Variants in ROBO1 observed in about 807,000 individuals in gnomAD.
The protein encoded by ROBO1 is roundabout guidance receptor 1.
A neutral mutation model predicts 195.9 loss-of-function variants in ROBO1; 149 were observed. That is an observed-to-expected ratio of 0.76 (90% CI 0.67 to 0.87). The LOEUF is 0.87. Among genes scored for constraint, ROBO1 ranks in the 40% least tolerant of loss-of-function variants. The pLI, the probability that ROBO1 is intolerant of heterozygous loss-of-function variation, is 0.00. For missense variants in ROBO1, 1,933 were observed against 2,068.3 expected (o/e 0.93, Z 1.27); for synonymous variants, 816 against 733.2 (o/e 1.11, Z -1.82).
chr3:79,729,139 T>G (rs1703044431), intron 1 of ROBO1, among the ~76,000 whole-genome samples: 1 of 152,208 alleles, frequency 6.6e-6, no homozygotes, highest in Non-Finnish European at 1.5e-5. Context: ...ATATTTGTAT[T>G]ATGTTCATTT....
intron 2 of ROBO1, among the ~76,000 whole-genome samples, chr3:79,395,340 A>AAAAAAAAAGAAAGAAAGAAAG (rs71631648): frequency 1.7e-5 from 2 of 119,060 alleles, no homozygotes; most frequent in African/African-American, 6.2e-5. Context: ...AAAAAAAAAA[A>AAAAAAAAAGAAAGAAAGAAAG]AAAGAAAGAA....
chr3:79,596,119 T>C (rs1211290541), intron 1 of ROBO1, among the ~76,000 whole-genome samples: 1 of 152,008 alleles, frequency 6.6e-6, no homozygotes, highest in Non-Finnish European at 1.5e-5. Flanking sequence ...CCAAAATCAA[T>C]CTCTATTTAA....
At chr3:79,032,756 G>C (rs1559608224) in intron 3 of ROBO1, among the ~76,000 whole-genome samples, 1 of 151,894 alleles carries the variant, frequency 6.6e-6, no homozygotes, top group Non-Finnish European at 1.5e-5. Flanking sequence ...AAAACTCAAG[G>C]GGTGCACATA....
intron 1 of ROBO1, among the ~76,000 whole-genome samples, chr3:79,677,961 G>GATA (rs2106949020): frequency 6.6e-6 from 1 of 152,174 alleles, no homozygotes; most frequent in Admixed American, 6.6e-5. Context: ...TGCTAAATTT[G>GATA]TGGTAATTTG....
rs190550952 is a variant in ROBO1 at position 79,066,058 on chromosome 3, A to G, written c.172+59398T>C. Among the ~76,000 whole-genome samples, 4 of 152,112 alleles carry G rather than the reference A, an allele frequency of 2.6e-5. No individual in the cohort carries two copies. In the East Asian group the frequency reaches 5.8e-4, roughly 22 times the overall value. On this transcript the variant is annotated intron_variant, in intron 3 of 30. Transcript: ENST00000464233. ...AGTAGAAAGTGAGCTTAATCAGTCC[A>G]TTGAATCCAGAATCAATTTACAGAA...
intron 1 of ROBO1, among the ~76,000 whole-genome samples, chr3:79,762,560 C>G (rs965666628): frequency 6.7e-6 from 1 of 149,402 alleles, no homozygotes; most frequent in Admixed American, 6.8e-5. Flanking sequence ...TTTCAAACAT[C>G]GCTAAAAAAA....
At chr3:78,906,292 T>C (rs983911086) in intron 4 of ROBO1, among the ~76,000 whole-genome samples, 5 of 152,140 alleles carry the variant, frequency 3.3e-5, no homozygotes, top group Non-Finnish European at 5.9e-5. Flanking sequence ...TAGGCTCAAG[T>C]AGTGCCTCAT....
Position 78,670,171 on chromosome 3 carries a change from A to C in ROBO1, c.1473T>G (p.Asp491Glu). The C allele has an allele frequency of 1.9e-6, 3 of 1,613,022 alleles. No homozygotes were observed. Among genetic ancestry groups the C allele is most frequent in the Non-Finnish European group, 2.5e-6 (3 of 1,179,534 alleles). Residue 491 changes from aspartate (D) to glutamate (E), a missense_variant, in exon 11 of 31, where the codon GAT becomes GAG. By Grantham distance (45) the Asp-to-Glu change is conservative. Coordinates refer to ENST00000464233, the MANE Select transcript of ROBO1 (RefSeq NM_002941.4). The part of the protein sequence containing the change: ...SPVPTILWRK[D>E]GVLVSTQDSR... The stretch of plus-strand genomic sequence containing the variant: ...AGTCTTGGGTTGAAACGAGGACTCC[A>C]TCCTTTCTCCACAGAATGGTGGGCA...
chr3:78,934,744 A>G (rs2039708835), intron 4 of ROBO1, among the ~76,000 whole-genome samples: 1 of 151,870 alleles, frequency 6.6e-6, no homozygotes, highest in South Asian at 2.1e-4. Flanking sequence ...CTGCTCTTTT[A>G]TATTGAACAA....
intron 2 of ROBO1, among the ~76,000 whole-genome samples, chr3:79,287,212 T>G (rs1371784338): frequency 6.6e-6 from 1 of 152,150 alleles, no homozygotes; most frequent in Non-Finnish European, 1.5e-5. Flanking sequence ...TTGGAAATAT[T>G]TTGGCTTCAT....
chr3:79,242,861 T>C (rs1576864611), intron 2 of ROBO1, among the ~76,000 whole-genome samples: 2 of 152,252 alleles, frequency 1.3e-5, no homozygotes, highest in East Asian at 3.9e-4. Context: ...CTTTAAGTTT[T>C]AGGGTACATG....
At chr3:79,428,393 T>C (rs34626195) in intron 2 of ROBO1, among the ~76,000 whole-genome samples, 61,461 of 151,956 alleles carry the variant, frequency 0.4, 12,683 homozygotes, top group Admixed American at 0.51. Context: ...AAAAATATGT[T>C]GAGTGCTTAG....
At chr3:78,962,112 G>A (rs1174644375) in intron 3 of ROBO1, among the ~76,000 whole-genome samples, 1 of 152,088 alleles carries the variant, frequency 6.6e-6, no homozygotes, top group Non-Finnish European at 1.5e-5. Flanking sequence ...GATCAAAGTT[G>A]ACAACAAATA....
chr3:78,780,549 C>T (rs2083646008), intron 4 of ROBO1, among the ~76,000 whole-genome samples: 1 of 152,024 alleles, frequency 6.6e-6, no homozygotes, highest in Non-Finnish European at 1.5e-5. Context: ...GTACGCCTTC[C>T]TCTACTGCCA....
At chr3:79,575,190 A>ATATAAATATATATAACATATC (rs1943421090) in intron 2 of ROBO1, among the ~76,000 whole-genome samples, 2 of 128,190 alleles carry the variant, frequency 1.6e-5, no homozygotes, top group Non-Finnish European at 3.2e-5. Context: ...TATAACATAT[A>ATATAAATATATATAACATATC]TATAAATATA....
At chr3:79,375,574 A>T (rs2036351844) in intron 2 of ROBO1, among the ~76,000 whole-genome samples, 1 of 152,174 alleles carries the variant, frequency 6.6e-6, no homozygotes, top group Non-Finnish European at 1.5e-5. Context: ...GATAAATTCG[A>T]TGCTTCTCAG....
At chr3:79,011,830 A>G (rs909285991) in intron 3 of ROBO1, among the ~76,000 whole-genome samples, 5 of 152,108 alleles carry the variant, frequency 3.3e-5, no homozygotes, top group African/African-American at 1.2e-4. Context: ...GAGATAACAT[A>G]TACCTGAAAT....
intron 2 of ROBO1, among the ~76,000 whole-genome samples, chr3:79,493,775 A>G (rs1225573762): frequency 5.3e-5 from 8 of 152,162 alleles, no homozygotes; most frequent in African/African-American, 1.9e-4. Context: ...ACAGGTATAC[A>G]ATGTGTAATA....
At chr3:79,298,336 AT>A (rs11438222) in intron 2 of ROBO1, among the ~76,000 whole-genome samples, 33 of 150,906 alleles carry the variant, frequency 2.2e-4, no homozygotes, top group African/African-American at 6.3e-4. Context: ...TCTTTACTGC[AT>A]TTTTTTTTCT....
Sources: gnomAD v4.1 joint callset for allele counts (sites outside exome capture counted in the v4.1 genomes callset) on GRCh38, gnomAD v4.1.1 for gene constraint, MANE v1.5 for transcripts, NCBI Gene and HGNC (gene_info 2026-07-23, HGNC 2026-07-21) for gene names.